The following ADGRB3 variants were observed in gnomAD, a reference collection of about 807,000 sequenced individuals.
ADGRB3 encodes the protein brain-specific angiogenesis inhibitor 3.
ADGRB3 carries 37 observed loss-of-function variants against 193.4 expected under a neutral mutation model. The observed-to-expected ratio is 0.19, with a 90% CI of 0.15 to 0.25. ADGRB3 has a LOEUF of 0.25. Among genes scored for constraint, ADGRB3 ranks in the 10% least tolerant of loss-of-function variants. ADGRB3 has a pLI of 1.00. For synonymous variants in ADGRB3, 690 were observed against 644.2 expected (o/e 1.07, Z -1.08); for missense variants, 1,637 against 1,852.9 (o/e 0.88, Z 2.14).
chr6:68,946,331 A>G (rs143034015), intron 6 of ADGRB3, among the ~76,000 whole-genome samples: 282 of 152,228 alleles, frequency 1.9e-3, no homozygotes, highest in African/African-American at 6.5e-3. Flanking sequence ...TTCACTGGGT[A>G]TGAAAGCATC....
intron 17 of ADGRB3, chr6:69,232,314 G>T: frequency 3.4e-6 from 3 of 893,484 alleles, no homozygotes; most frequent in Admixed American, 3.6e-5. Flanking sequence ...TAGTTCTGCT[G>T]GGGGTGGAAG....
chr6:68,761,223 G>A (rs1766389219), intron 3 of ADGRB3, among the ~76,000 whole-genome samples: 1 of 152,142 alleles, frequency 6.6e-6, no homozygotes, highest in Non-Finnish European at 1.5e-5. Context: ...CAGGTGAAAG[G>A]CAACAAGGAG....
At chr6:68,684,463 A>C (rs1185045842) in intron 3 of ADGRB3, among the ~76,000 whole-genome samples, 1 of 152,152 alleles carries the variant, frequency 6.6e-6, no homozygotes, top group Non-Finnish European at 1.5e-5. Flanking sequence ...TGTATTTTTT[A>C]GACAACACTT....
chr6:68,686,772 A>G (rs2127300250), intron 3 of ADGRB3, among the ~76,000 whole-genome samples: 1 of 152,244 alleles, frequency 6.6e-6, no homozygotes, highest in South Asian at 2.1e-4. Flanking sequence ...TTTGAACATC[A>G]CATCATCTTC....
chr6:68,670,523 CTG>C (rs1197117544), intron 3 of ADGRB3, among the ~76,000 whole-genome samples: 1 of 151,792 alleles, frequency 6.6e-6, no homozygotes, highest in Non-Finnish European at 1.5e-5. Flanking sequence ...TTTGAAAAGA[CTG>C]TCTTTTTTCT....
intron 20 of ADGRB3, among the ~76,000 whole-genome samples, chr6:69,266,767 A>G (rs1767050559): frequency 6.6e-6 from 1 of 152,108 alleles, no homozygotes; most frequent in African/African-American, 2.4e-5. Context: ...ATTTGGAGAT[A>G]GAGCATTGCA....
intron 20 of ADGRB3, among the ~76,000 whole-genome samples, chr6:69,259,695 CAAAA>C (rs397887907): frequency 3.9e-5 from 3 of 76,148 alleles, no homozygotes; most frequent in Non-Finnish European, 5.2e-5. Flanking sequence ...GACTCTGTCT[CAAAA>C]AAAAAAAAAA....
At chr6:68,793,292 A>C (rs1190963700) in intron 3 of ADGRB3, among the ~76,000 whole-genome samples, 1 of 152,252 alleles carries the variant, frequency 6.6e-6, no homozygotes, top group Non-Finnish European at 1.5e-5. Flanking sequence ...CTGTAACTTA[A>C]CAAACCAACA....
chr6:68,775,118 C>T (rs1270566563), intron 3 of ADGRB3, among the ~76,000 whole-genome samples: 1 of 136,396 alleles, frequency 7.3e-6, no homozygotes, highest in East Asian at 2.2e-4. Flanking sequence ...CAAACCCTTA[C>T]TTCCATAGCT....
chr6:69,048,182 T>C lies in ADGRB3; in HGVS notation c.2108-3T>C, dbSNP rs1405323851. The stretch of plus-strand genomic sequence containing the variant: ...ATTGAAATTATTATTTCTTTTTTAA[T>C]AGTGGCTAGTATTCAGAAGCTTCCT... On this transcript the variant is annotated splice_polypyrimidine_tract_variant and splice_region_variant and intron_variant, in intron 13 of 31. Transcript: ENST00000370598. 3.7e-6 allele frequency: 6 copies of C among 1,606,850 alleles called. No individual in the cohort carries two copies. The South Asian group carries it at 5.6e-5, about 15-fold the overall frequency.
chr6:69,147,652 A>C (rs1327191729), intron 17 of ADGRB3, among the ~76,000 whole-genome samples: 2 of 152,184 alleles, frequency 1.3e-5, no homozygotes, highest in East Asian at 3.8e-4. Flanking sequence ...AATATCTATT[A>C]AGTCCATTTG....
intron 17 of ADGRB3, among the ~76,000 whole-genome samples, chr6:69,206,811 T>A (rs1765550191): frequency 6.6e-6 from 1 of 152,204 alleles, no homozygotes; most frequent in Non-Finnish European, 1.5e-5. Flanking sequence ...ACCCATTCTG[T>A]ATTCCCTTTG....
At chr6:68,746,585 T>C (rs1766090592) in intron 3 of ADGRB3, among the ~76,000 whole-genome samples, 1 of 152,122 alleles carries the variant, frequency 6.6e-6, no homozygotes, top group East Asian at 1.9e-4. Flanking sequence ...TGACCCTTTG[T>C]TTTTCTCTTT....
intron 3 of ADGRB3, among the ~76,000 whole-genome samples, chr6:68,809,466 C>A (rs1005114192): frequency 6.6e-6 from 1 of 152,132 alleles, no homozygotes; most frequent in Non-Finnish European, 1.5e-5. Flanking sequence ...AAATAATAGA[C>A]AATGGTGGCT....
chr6:68,873,071 C>A (rs1489483957), intron 3 of ADGRB3, among the ~76,000 whole-genome samples: 1 of 152,082 alleles, frequency 6.6e-6, no homozygotes, highest in Non-Finnish European at 1.5e-5. Flanking sequence ...CACACACGTT[C>A]CTCTCTGTAA....
At chr6:69,120,393 C>T (rs1773650057) in intron 17 of ADGRB3, among the ~76,000 whole-genome samples, 1 of 152,220 alleles carries the variant, frequency 6.6e-6, no homozygotes, top group African/African-American at 2.4e-5. Flanking sequence ...TTCTGGTACA[C>T]ACTCAAGTTT....
Position 69,388,918 on chromosome 6 carries a change from A to G in ADGRB3, c.*27A>G. 1.3e-6 allele frequency: 2 copies of G among 1,595,352 alleles called. No homozygotes were observed. The highest frequency in any genetic ancestry group is 1.7e-4 in the Middle Eastern group (1 of 5,942). On this transcript the variant is annotated 3_prime_UTR_variant, in exon 32 of 32. Transcript: ENST00000370598. ...AAAATCAAAATGGACTAAGGTAGAG[A>G]CAAAACTTTATTGCACTGACACTTA...
chr6:68,811,503 C>G (rs1306814478), intron 3 of ADGRB3, among the ~76,000 whole-genome samples: 2 of 152,136 alleles, frequency 1.3e-5, no homozygotes, highest in Non-Finnish European at 1.5e-5. Context: ...GAGTCTCACT[C>G]TGCTGCCCAG....
At chr6:69,111,670 C>A (rs942484082) in intron 17 of ADGRB3, among the ~76,000 whole-genome samples, 1 of 152,138 alleles carries the variant, frequency 6.6e-6, no homozygotes, top group African/African-American at 2.4e-5. Flanking sequence ...GTTCAGTTTT[C>A]TGGACATGAA....
Sources: allele counts gnomAD v4.1 joint callset (sites outside exome capture counted in the v4.1 genomes callset), GRCh38; gene constraint gnomAD v4.1.1; transcripts MANE v1.5; gene names NCBI Gene and HGNC (gene_info 2026-07-23, HGNC 2026-07-21).